COL3A1: variants seen among roughly 807,000 people sequenced by gnomAD.
COL3A1 encodes the protein collagen type III alpha 1 chain.
A neutral mutation model predicts 200.9 loss-of-function variants in COL3A1; 46 were observed. That is an observed-to-expected ratio of 0.23 (90% CI 0.18 to 0.29). The LOEUF (loss-of-function observed/expected upper bound fraction) is 0.29. Ranked by LOEUF, COL3A1 falls within the 10% of genes least tolerant of loss-of-function variation. The pLI, the probability that COL3A1 is intolerant of heterozygous loss-of-function variation, is 1.00. For synonymous variants in COL3A1, 650 were observed against 628.0 expected (o/e 1.03, Z -0.52); for missense variants, 1,367 against 1,917.6 (o/e 0.71, Z 5.36).
chr2:188,996,442 T>G lies in COL3A1; in HGVS notation c.1707T>G (p.Ser569=). 1 of 1,614,020 alleles carries G rather than the reference T, an allele frequency of 6.2e-7. No homozygotes were observed. Among genetic ancestry groups the G allele is most frequent in the Non-Finnish European group, 8.5e-7 (1 of 1,179,994 alleles). ...GTCGACCAGGTCCTCCTGGGCCATC[T>G]GGTCCCCGAGGTCAGCCTGGTGTCA... The part of the protein sequence containing the change: ...ESGRPGPPGP[S]GPRGQPGVMG... Residue 569 remains serine (S), a synonymous_variant, in exon 24 of 51, where the codon TCT becomes TCG. Transcript: ENST00000304636.
chr2:188,998,009 T>C (rs1688368361), intron 27 of COL3A1, among the ~76,000 whole-genome samples: 1 of 152,204 alleles, frequency 6.6e-6, no homozygotes, highest in Non-Finnish European at 1.5e-5. Flanking sequence ...TAAATCCATA[T>C]AGCCAAGTCT....
At chr2:188,974,712 A>G in intron 1 of COL3A1, 144 bp downstream of exon 1, 1 of 697,186 alleles carries the variant, frequency 1.4e-6, no homozygotes, top group South Asian at 1.6e-5. Flanking sequence ...TGAACTGACC[A>G]TGGCTGTGCT....
intron 4 of COL3A1, 21 bp from the exon 5 acceptor site, chr2:188,987,038 C>T (rs1356726051): frequency 1.3e-6 from 2 of 1,590,682 alleles, no homozygotes; most frequent in Non-Finnish European, 1.7e-6. Context: ...ATGATCATAT[C>T]TATTTGTCTC....
intron 43 of COL3A1, 48 bp downstream of exon 43, chr2:189,006,500 T>C (rs1331066958): frequency 6.4e-7 from 1 of 1,558,888 alleles, no homozygotes; most frequent in Non-Finnish European, 8.8e-7. Context: ...TTTCCTTCAA[T>C]AAAGACATTT....
chr2:189,005,319 A>G (rs758626436), intron 40 of COL3A1, 31 bp from the exon 41 acceptor site: 2 of 1,575,894 alleles, frequency 1.3e-6, no homozygotes, highest in African/African-American at 2.7e-5. Context: ...CTTAAGTTGA[A>G]ACAAAATGTT....
chr2:188,989,390 T>A lies in COL3A1; in HGVS notation c.637-6T>A. 1 of 1,592,900 alleles carries A rather than the reference T, an allele frequency of 6.3e-7. No homozygotes were observed. Among genetic ancestry groups the A allele is most frequent in the Non-Finnish European group, 8.6e-7 (1 of 1,167,272 alleles). Reference sequence around the variant, plus strand: ...ATCTATTCATTTTTTATTTCCTTATTTTCAGGGCCCTCCAGGACCTCCTGG... The same window carrying A: ...ATCTATTCATTTTTTATTTCCTTATATTCAGGGCCCTCCAGGACCTCCTGG... On this transcript the variant is annotated splice_polypyrimidine_tract_variant and splice_region_variant and intron_variant, in intron 7 of 50. Transcript: ENST00000304636.
chr2:188,984,015 A>G (rs888278282), intron 1 of COL3A1, among the ~76,000 whole-genome samples: 11 of 151,934 alleles, frequency 7.2e-5, no homozygotes, highest in Non-Finnish European at 1.3e-4. Context: ...TTTTTTTACC[A>G]TTTTAAGCCA....
chr2:188,994,185 A>G lies in COL3A1; in HGVS notation c.1195-49A>G, dbSNP rs537646628. On this transcript the variant is annotated intron_variant, in intron 17 of 50. Coordinates refer to ENST00000304636, the MANE Select transcript of COL3A1 (RefSeq NM_000090.4). This position sits in a 1 kb window ranked among gnomAD's most constrained non-coding sequence, Gnocchi z 4.5. ...TGTGATATTTAAGTGAGATATTCAT[A>G]AAAGAACATTCAAGTTCGGCTAATA... 49 of 1,611,080 alleles carry G rather than the reference A, an allele frequency of 3.0e-5. No individual in the cohort carries two copies. The East Asian group carries it at 6.7e-4, about 22-fold the overall frequency.
rs2271681 is a variant in COL3A1, at chr2:188,997,651, T to C, written c.1870-49T>C. On this transcript the variant is annotated intron_variant, in intron 26 of 50. Transcript: ENST00000304636. The stretch of plus-strand genomic sequence containing the variant: ...GCCTGTTGAAATGGATACTGTAGAC[T>C]AAATATAAAAGGATGTTTACAACAG... The C allele has an allele frequency of 7.3e-3, 11,389 of 1,568,232 alleles. 223 individuals are homozygous for C. In the East Asian group the frequency reaches 0.084, roughly 12 times the overall value.
chr2:189,002,268 T>A (rs368231442), intron 34 of COL3A1, 30 bp from the exon 35 acceptor site: 1 of 1,594,762 alleles, frequency 6.3e-7, no homozygotes, highest in Non-Finnish European at 8.6e-7. Context: ...CACACTTCAC[T>A]GTGACTAAGG....
At chr2:188,977,827 G>A (rs892927499) in intron 1 of COL3A1, among the ~76,000 whole-genome samples, 1 of 151,872 alleles carries the variant, frequency 6.6e-6, no homozygotes, top group Non-Finnish European at 1.5e-5. Context: ...CATTTCTAAA[G>A]GTGAAAAAAG....
chr2:188,979,769 G>T (rs746362179), intron 1 of COL3A1, among the ~76,000 whole-genome samples: 1 of 151,650 alleles, frequency 6.6e-6, no homozygotes, highest in Non-Finnish European at 1.5e-5. Flanking sequence ...TTCTTTAATC[G>T]TACTCAGTTT....
chr2:188,991,593 T>C, intron 12 of COL3A1, 62 bp downstream of exon 12: 1 of 1,604,412 alleles, frequency 6.2e-7, no homozygotes, highest in East Asian at 2.2e-5. Flanking sequence ...TACCTAAAAC[T>C]GGCTTTGCTC....
chr2:188,987,174 T>C, intron 5 of COL3A1, 35 bp downstream of exon 5: 1 of 1,543,474 alleles, frequency 6.5e-7, no homozygotes, highest in South Asian at 1.1e-5. Context: ...TTTGGAGCTT[T>C]ATTATCTTTC....
intron 1 of COL3A1, among the ~76,000 whole-genome samples, chr2:188,977,899 C>A (rs185122603): frequency 2.0e-5 from 3 of 151,884 alleles, no homozygotes; most frequent in African/African-American, 7.2e-5. Flanking sequence ...TTTTTTTAAA[C>A]CCCAGAAGCT....
At chr2:188,977,988 A>T (rs1456250003) in intron 1 of COL3A1, 1 of 329,504 alleles carries the variant, frequency 3.0e-6, no homozygotes, top group Non-Finnish European at 6.1e-6. Context: ...TGTGTTTTTC[A>T]TCCATGATAC....
intron 35 of COL3A1, among the ~76,000 whole-genome samples, 190 bp downstream of exon 35, chr2:189,002,541 C>A (rs555747727): frequency 1.3e-5 from 2 of 152,258 alleles, no homozygotes; most frequent in South Asian, 4.1e-4. Context: ...AATAAAAACA[C>A]CTGTCCTGCT....
intron 49 of COL3A1, 26 bp from the exon 50 acceptor site, chr2:189,010,622 T>C (rs1206387529): frequency 6.8e-6 from 11 of 1,613,928 alleles, no homozygotes; most frequent in Non-Finnish European, 8.5e-6. Flanking sequence ...AAATGTTTGA[T>C]CTGTTTTATT....
At chr2:189,010,968 A>C in intron 50 of COL3A1, 78 bp downstream of exon 50, 1 of 1,541,928 alleles carries the variant, frequency 6.5e-7, no homozygotes, top group Non-Finnish European at 8.9e-7. Flanking sequence ...TTTGAATAGA[A>C]TAAATAAAAT....
Sources: allele counts gnomAD v4.1 joint callset (sites outside exome capture counted in the v4.1 genomes callset), GRCh38; gene constraint gnomAD v4.1.1; non-coding constraint Gnocchi (gnomAD v3.1); transcripts MANE v1.5; gene names NCBI Gene and HGNC (gene_info 2026-07-23, HGNC 2026-07-21).